Variants in WWC2 observed in about 807,000 individuals in gnomAD.
WWC2 encodes WW and C2 domain containing 2, also known as protein WWC2.
In WWC2, 101 loss-of-function variants were observed where a neutral mutation model predicts 138.5. The ratio of observed to expected loss-of-function variants is 0.73; its 90% CI spans 0.62 to 0.86. The LOEUF (loss-of-function observed/expected upper bound fraction) is 0.86. Ranked by LOEUF, WWC2 falls within the 40% of genes least tolerant of loss-of-function variation. The probability of loss-of-function intolerance (pLI) is 0.00; values close to 1 mark genes in which losing one functional copy is unlikely to be tolerated. For synonymous variants in WWC2, 558 were observed against 538.4 expected (o/e 1.04, Z -0.50); for missense variants, 1,420 against 1,419.4 (o/e 1.00, Z -0.01).
intron 1 of WWC2, 44 bp downstream of exon 1, chr4:183,099,666 G>A: frequency 4.1e-6 from 5 of 1,225,294 alleles, no homozygotes; most frequent in Non-Finnish European, 4.1e-6. Flanking sequence ...GGACACGGCG[G>A]CTGTTGTCCC....
intron 16 of WWC2, among the ~76,000 whole-genome samples, chr4:183,272,814 T>G (rs1272103304): frequency 1.3e-5 from 2 of 152,256 alleles, no homozygotes; most frequent in Non-Finnish European, 2.9e-5. Context: ...ACACATAATA[T>G]TCTATTGTGG....
chr4:183,313,801 G>T (rs1194185221), intron 22 of WWC2, among the ~76,000 whole-genome samples: 1 of 150,564 alleles, frequency 6.6e-6, no homozygotes, highest in African/African-American at 2.5e-5. Context: ...GGGGCAAGAG[G>T]GTGGGAAGAG....
At chr4:183,279,531 G>A (rs2111398733) in intron 16 of WWC2, among the ~76,000 whole-genome samples, 2 of 152,284 alleles carry the variant, frequency 1.3e-5, no homozygotes, top group Admixed American at 1.3e-4. Context: ...CTATTGATTG[G>A]AATAGTTTCA....
intron 22 of WWC2, among the ~76,000 whole-genome samples, chr4:183,312,941 G>A (rs993365441): frequency 8.5e-5 from 13 of 152,174 alleles, no homozygotes; most frequent in Non-Finnish European, 1.5e-5. Flanking sequence ...TGCAGTGCAT[G>A]TGGAAGGAGC....
chr4:183,103,268 T>A (rs563842406), intron 1 of WWC2, among the ~76,000 whole-genome samples: 1 of 151,492 alleles, frequency 6.6e-6, no homozygotes, highest in Admixed American at 6.6e-5. Context: ...ATGTCACAGT[T>A]AACTTTTGGC....
intron 1 of WWC2, among the ~76,000 whole-genome samples, chr4:183,133,103 CCCTTCCCTTTTT>C (rs1251533092): frequency 3.9e-5 from 5 of 127,560 alleles, no homozygotes; most frequent in Admixed American, 7.4e-5. Flanking sequence ...CTTCCTTCTT[CCCTTCCCTTTTT>C]CCTTCCCTTT....
At chr4:183,286,570 T>G (rs1363380261) in intron 20 of WWC2, among the ~76,000 whole-genome samples, 1 of 152,194 alleles carries the variant, frequency 6.6e-6, no homozygotes, top group Non-Finnish European at 1.5e-5. Context: ...GGTCTCTGCA[T>G]GAGCCTTAAG....
chr4:183,195,742 C>T (rs1239293597), intron 2 of WWC2, among the ~76,000 whole-genome samples: 1 of 152,160 alleles, frequency 6.6e-6, no homozygotes, highest in Admixed American at 6.5e-5. Context: ...ACTGTGGTTG[C>T]CTCCTCTTCC....
intron 16 of WWC2, among the ~76,000 whole-genome samples, chr4:183,276,599 T>C (rs1737863109): frequency 3.3e-5 from 5 of 152,158 alleles, no homozygotes; most frequent in Admixed American, 2.0e-4. Context: ...TCTCTGCTAT[T>C]ATTGTCATAT....
rs768704987 is a variant in WWC2, at chr4:183,260,926, C to T, written c.1303C>T (p.Leu435=). Residue 435 remains leucine, a synonymous_variant, in exon 11 of 23, where the codon CTG becomes TTG. Transcript: ENST00000403733. ...GTCTTTCAGCCTCTCTGCCAGCACC[C>T]TGTCCATGTCATCTGGGAGCAGCCT... ...SQLKSLSAST[L]SMSSGSSLGS... 30 of 1,613,616 alleles carry T rather than the reference C, an allele frequency of 1.9e-5. No homozygotes were observed. In the African/African-American group the frequency reaches 2.8e-4, roughly 15 times the overall value.
rs140583861 is a variant in WWC2 at position 183,292,135 on chromosome 4, G to A, written c.3384+2500G>A. On this transcript the variant is annotated intron_variant, in intron 21 of 22. Transcript: ENST00000403733. ...CACTTTAGCCCAGGAGGTAGAGGCT[G>A]CAGTGAGCTGTGATTGCACCACTGC... is the stretch of plus-strand genomic sequence containing the variant. Among the ~76,000 whole-genome samples the A allele has an allele frequency of 1.9e-3, 291 of 152,274 alleles. 1 individual carries two copies. Among genetic ancestry groups the A allele is most frequent in the Non-Finnish European group, 3.7e-3 (255 of 68,022 alleles).
intron 21 of WWC2, among the ~76,000 whole-genome samples, chr4:183,307,521 A>G (rs1303596809): frequency 2.0e-5 from 3 of 152,246 alleles, no homozygotes; most frequent in Non-Finnish European, 4.4e-5. Flanking sequence ...TCTTGTGAAC[A>G]TAGATGCAGA....
At position 183,275,381 on chromosome 4, in the gene WWC2, G is replaced by A. The variant is rs539675125; in HGVS notation, c.2562+4140G>A. On this transcript the variant is annotated intron_variant, in intron 16 of 22. Transcript: ENST00000403733. ...TGTAAGAGCAGACATCCTTGTCTTC[G>A]TCCTGATCTTAGTGGAAAAGCTTTC... 1.0e-3 allele frequency among the ~76,000 whole-genome samples: 158 copies of A among 152,168 alleles called. 1 individual carries two copies. Among genetic ancestry groups the A allele is most frequent in the African/African-American group, 3.4e-3 (142 of 41,548 alleles).
intron 2 of WWC2, among the ~76,000 whole-genome samples, chr4:183,205,838 G>A (rs1735431656): frequency 1.3e-5 from 2 of 152,174 alleles, no homozygotes; most frequent in South Asian, 2.1e-4. Flanking sequence ...TCACAGCCCT[G>A]TGTGAGCTCG....
intron 1 of WWC2, among the ~76,000 whole-genome samples, chr4:183,148,876 TGAG>T (rs1261957798): frequency 6.6e-6 from 1 of 152,176 alleles, no homozygotes; most frequent in Non-Finnish European, 1.5e-5. Context: ...CCTGCAATCC[TGAG>T]GCAGGAGGAT....
At chr4:183,130,747 T>G (rs1486813018) in intron 1 of WWC2, among the ~76,000 whole-genome samples, 1 of 152,214 alleles carries the variant, frequency 6.6e-6, no homozygotes, top group East Asian at 1.9e-4. Flanking sequence ...GTGCCAGGCA[T>G]CATGCCAGGT....
chr4:183,271,046 A>ATTTTTTTTTTTTTTT, intron 15 of WWC2, 34 bp from the exon 16 acceptor site: 1 of 1,386,008 alleles, frequency 7.2e-7, no homozygotes, highest in African/African-American at 1.5e-5. Flanking sequence ...TCTCTTCCTT[A>ATTTTTTTTTTTTTTT]TTTTTTTTTC....
chr4:183,212,764 C>T (rs992377118), intron 4 of WWC2, among the ~76,000 whole-genome samples: 7 of 152,206 alleles, frequency 4.6e-5, no homozygotes, highest in African/African-American at 1.4e-4. Context: ...GAGCCTCATC[C>T]CAATCAGGGG....
At chr4:183,101,203 G>A (rs1387468451) in intron 1 of WWC2, among the ~76,000 whole-genome samples, 1 of 152,010 alleles carries the variant, frequency 6.6e-6, no homozygotes, top group Non-Finnish European at 1.5e-5. Context: ...TCTCTTCTTC[G>A]GTTTACATGC....
Sources: gnomAD v4.1 joint callset for allele counts (sites outside exome capture counted in the v4.1 genomes callset) on GRCh38, gnomAD v4.1.1 for gene constraint, MANE v1.5 for transcripts, NCBI Gene and HGNC (gene_info 2026-07-23, HGNC 2026-07-21) for gene names.